Variants in JMJD1C observed in about 807,000 individuals in gnomAD.
JMJD1C encodes the protein jumonji domain-containing protein 1C.
Under a neutral mutation model 245.3 loss-of-function variants are expected in JMJD1C, and 31 were observed. The ratio of observed to expected loss-of-function variants is 0.13; its 90% CI spans 0.09 to 0.17. The LOEUF is 0.17. Among genes scored for constraint, JMJD1C ranks in the 10% least tolerant of loss-of-function variants. The pLI is 1.00. For synonymous variants in JMJD1C, 1,057 were observed against 1,017.4 expected, an observed-to-expected ratio of 1.04 and a Z score of -0.74; for missense variants, 2,691 against 3,000.2, an observed-to-expected ratio of 0.90 and a Z score of 2.41.
intron 23 of JMJD1C, chr10:63,177,409 A>G: frequency 3.3e-6 from 1 of 304,406 alleles, no homozygotes; most frequent in Non-Finnish European, 6.1e-6. Flanking sequence ...ACATCCCGCG[A>G]CTCCAGATAG....
intron 2 of JMJD1C, among the ~76,000 whole-genome samples, chr10:63,323,789 C>T (rs1371904217): frequency 1.3e-5 from 2 of 151,960 alleles, no homozygotes. Context: ...AGAGTGTGAG[C>T]ATATTTGTGT....
At chr10:63,307,947 C>T (rs965231739) in intron 2 of JMJD1C, among the ~76,000 whole-genome samples, 8 of 151,742 alleles carry the variant, frequency 5.3e-5, no homozygotes, top group African/African-American at 4.8e-5. Flanking sequence ...GTCAGGAGTT[C>T]GAGACCAACC....
chr10:63,254,283 C>T (rs1564689488), intron 3 of JMJD1C, among the ~76,000 whole-genome samples: 1 of 151,900 alleles, frequency 6.6e-6, no homozygotes, highest in Non-Finnish European at 1.5e-5. Flanking sequence ...GATTACCTGC[C>T]GAGGGAACAA....
At chr10:63,310,012 A>C (rs1026779301) in intron 2 of JMJD1C, among the ~76,000 whole-genome samples, 1 of 152,210 alleles carries the variant, frequency 6.6e-6, no homozygotes, top group African/African-American at 2.4e-5. Context: ...AATTAGCTGT[A>C]TTTCTCTATA....
intron 2 of JMJD1C, among the ~76,000 whole-genome samples, chr10:63,282,623 T>G (rs1194029824): frequency 6.6e-6 from 1 of 152,258 alleles, no homozygotes; most frequent in East Asian, 1.9e-4. Flanking sequence ...GTTATATTTT[T>G]AAAATGTACA....
At chr10:63,500,765 A>ATGGG (rs1954528188) in intron 1 of JMJD1C, among the ~76,000 whole-genome samples, 1 of 150,924 alleles carries the variant, frequency 6.6e-6, no homozygotes, top group African/African-American at 2.4e-5. Context: ...GGATGGATGG[A>ATGGG]TGGATGGATG....
rs991728795 is a variant in JMJD1C at position 63,465,948 on chromosome 10, AGCC to A, written c.-289_-287del. The A allele has an allele frequency of 1.9e-6, 1 of 533,122 alleles. No individual in the cohort carries two copies. The allele number at this position is 533,122 out of a possible 1,614,324, so 33.0% of individuals were successfully genotyped here. On this transcript the variant is annotated 5_prime_UTR_variant, in exon 1 of 26. Transcript: ENST00000399262. The stretch of plus-strand genomic sequence containing the variant: ...GCCGTCGAAGACCCCGAGGCAGCCC[AGCC>A]GCCGCCACCGCGCCGCGGCCAGTAC...
chr10:63,271,325 C>T (rs116905733), intron 2 of JMJD1C, among the ~76,000 whole-genome samples: 2,606 of 151,704 alleles, frequency 0.017, 27 homozygotes, highest in Non-Finnish European at 0.027. Flanking sequence ...TATAGACACG[C>T]GCCACCGTGC....
intron 2 of JMJD1C, among the ~76,000 whole-genome samples, chr10:63,314,964 T>TTG (rs1554884220): frequency 2.0e-5 from 3 of 149,580 alleles, no homozygotes; most frequent in African/African-American, 2.5e-5. Flanking sequence ...TTGTTTTTTT[T>TTG]TTTTTTTTGA....
intron 1 of JMJD1C, among the ~76,000 whole-genome samples, chr10:63,419,184 G>T (rs779092411): frequency 6.6e-6 from 1 of 151,072 alleles, no homozygotes; most frequent in African/African-American, 2.4e-5. Flanking sequence ...TCAGGAGTTC[G>T]AGACCAGCCT....
At chr10:63,210,017 C>T (rs367618744) in intron 8 of JMJD1C, among the ~76,000 whole-genome samples, 118 of 152,238 alleles carry the variant, frequency 7.8e-4, no homozygotes, top group African/African-American at 2.8e-3. Context: ...TTTGTATTTT[C>T]TCTAACAAAG....
intron 23 of JMJD1C, 181 bp from the exon 24 acceptor site, chr10:63,176,654 T>A (rs1176294569): frequency 3.4e-6 from 2 of 587,144 alleles, no homozygotes. Context: ...CCAAAGAATA[T>A]TAAAACAATA....
intron 2 of JMJD1C, among the ~76,000 whole-genome samples, chr10:63,374,533 G>A (rs766894928): frequency 6.6e-6 from 1 of 152,206 alleles, no homozygotes; most frequent in African/African-American, 2.4e-5. Context: ...TGTGAAGAGT[G>A]TCAGGAGATA....
intron 18 of JMJD1C, among the ~76,000 whole-genome samples, chr10:63,187,836 T>C (rs1049637873): frequency 4.6e-5 from 7 of 152,212 alleles, no homozygotes; most frequent in Non-Finnish European, 1.0e-4. Flanking sequence ...AAAATGTCAA[T>C]TTGATTATAC....
At chr10:63,239,023 G>A (rs762247311) in intron 3 of JMJD1C, among the ~76,000 whole-genome samples, 7 of 152,138 alleles carry the variant, frequency 4.6e-5, no homozygotes, top group Non-Finnish European at 1.0e-4. Context: ...GGGTGACCTA[G>A]TTAGGTGTGT....
At chr10:63,452,390 C>T in intron 1 of JMJD1C, among the ~76,000 whole-genome samples, 1 of 152,148 alleles carries the variant, frequency 6.6e-6, no homozygotes, top group East Asian at 1.9e-4. Flanking sequence ...AATGCCATTT[C>T]ACACTCACTA....
chr10:63,381,955 T>C (rs1225252741), intron 1 of JMJD1C, among the ~76,000 whole-genome samples: 1 of 152,232 alleles, frequency 6.6e-6, no homozygotes, highest in Non-Finnish European at 1.5e-5. Flanking sequence ...CTCATGCCTG[T>C]AATTCCAGCA....
chr10:63,366,082 A>G (rs1945815036), intron 2 of JMJD1C, among the ~76,000 whole-genome samples: 1 of 152,234 alleles, frequency 6.6e-6, no homozygotes. Context: ...ACTATATAAC[A>G]GCACACAGTA....
Position 63,207,955 on chromosome 10 carries a change from T to C in JMJD1C, c.3714A>G (p.Val1238=), listed in dbSNP as rs771355329. 6.2e-7 allele frequency: 1 copy of C among 1,614,212 alleles called. No individual in the cohort carries two copies. Among genetic ancestry groups the C allele is most frequent in the South Asian group, 1.1e-5 (1 of 91,088 alleles). The change falls in exon 10 of 26, where the codon GTA becomes GTG. Residue 1238 remains valine (V), a synonymous_variant. Transcript: ENST00000399262. ...SPPTLTPVMP[V]NAGGKVQESQ... ...ATTCTTGAACTTTACCACCAGCATT[T>C]ACTGGCATCACCGGAGTTAAAGTTG...
Sources: allele counts gnomAD v4.1 joint callset (sites outside exome capture counted in the v4.1 genomes callset), GRCh38; gene constraint gnomAD v4.1.1; transcripts MANE v1.5; gene names NCBI Gene and HGNC (gene_info 2026-07-23, HGNC 2026-07-21).